ENPP6: variants seen among roughly 807,000 people sequenced by gnomAD.
ENPP6 encodes the protein glycerophosphocholine cholinephosphodiesterase ENPP6.
A neutral mutation model predicts 42.0 loss-of-function variants in ENPP6; 32 were observed. The observed-to-expected ratio is 0.76, with a 90% confidence interval of 0.58 to 1.02. ENPP6 has a LOEUF of 1.02. ENPP6 is among the 50% of genes least tolerant of loss of function. ENPP6 has a pLI of 0.00. For synonymous variants in ENPP6, 213 were observed against 216.0 expected (o/e 0.99, Z 0.12); for missense variants, 552 against 566.8 (o/e 0.97, Z 0.27).
intron 1 of ENPP6, among the ~76,000 whole-genome samples, chr4:184,191,366 A>G (rs1579657722): frequency 1.3e-5 from 2 of 152,386 alleles, no homozygotes; most frequent in East Asian, 3.9e-4. Context: ...CACTGAGCAT[A>G]GCACAAAATA....
chr4:184,198,086 CA>C (rs1732831793), intron 1 of ENPP6, among the ~76,000 whole-genome samples: 1 of 152,200 alleles, frequency 6.6e-6, no homozygotes, highest in African/African-American at 2.4e-5. Context: ...CCAGTGAGAT[CA>C]AAACAGGCAT....
chr4:184,110,598 C>T (rs1736181618), intron 6 of ENPP6, among the ~76,000 whole-genome samples: 1 of 152,148 alleles, frequency 6.6e-6, no homozygotes, highest in South Asian at 2.1e-4. Context: ...ACAAACAGAA[C>T]CCACGCCCTT....
At chr4:184,128,595 CAA>C (rs35054008) in intron 2 of ENPP6, among the ~76,000 whole-genome samples, 17 of 146,264 alleles carry the variant, frequency 1.2e-4, no homozygotes, top group African/African-American at 4.0e-4. Context: ...AAAGAATGGG[CAA>C]AAAAAAAAAC....
At position 184,103,963 on chromosome 4, in the gene ENPP6, C is replaced by G. The variant is rs58108718; in HGVS notation, c.994-6595G>C. Reference sequence around the variant, plus strand: ...CGACGCAGACATTCTCGGAGTGGAGCAAAGCGCTGGAGAAAAGCACTTAGT... The same window carrying G: ...CGACGCAGACATTCTCGGAGTGGAGGAAAGCGCTGGAGAAAAGCACTTAGT... On this transcript the variant is annotated intron_variant, in intron 6 of 7. Transcript: ENST00000296741. Among the ~76,000 whole-genome samples the G allele has an allele frequency of 4.2e-3, 640 of 152,214 alleles. 5 individuals are homozygous for G. Among genetic ancestry groups the G allele is most frequent in the African/African-American group, 0.014 (594 of 41,536 alleles).
rs566367211 is a variant in ENPP6, at chr4:184,117,113, T to A, written c.676-78A>T. 6 of 1,538,718 alleles carry A rather than the reference T, an allele frequency of 3.9e-6. No individual in the cohort carries two copies. The South Asian group carries it at 5.9e-5, about 15-fold the overall frequency. ...CTCAGAAAACCTTGTCAACTACAAATGATAGGAGAAAGGCTATCTCCTCAG... is the reference window on the plus strand; with the variant it reads ...CTCAGAAAACCTTGTCAACTACAAAAGATAGGAGAAAGGCTATCTCCTCAG... On this transcript the variant is annotated intron_variant, in intron 4 of 7. Transcript: ENST00000296741.
chr4:184,174,135 CTTT>C (rs36058407), intron 1 of ENPP6, among the ~76,000 whole-genome samples: 22 of 130,984 alleles, frequency 1.7e-4, no homozygotes, highest in Middle Eastern at 7.6e-3. Context: ...GTCCCAAATC[CTTT>C]TTTTTTTTTT....
rs569100963 is a variant in ENPP6, at chr4:184,162,914, A to AGCAGC, written c.242-9186_242-9182dup. Among the ~76,000 whole-genome samples the AGCAGC allele has an allele frequency of 3.2e-4, 48 of 152,244 alleles. 1 individual carries two copies. The South Asian group carries it at 9.8e-3, about 31-fold the overall frequency. Reference sequence around the variant, plus strand: ...GAAGAAGCAACCCAGGAGGAATGGCAGCAGCGTGCCATTACCACCCACCCA... The same window carrying AGCAGC: ...GAAGAAGCAACCCAGGAGGAATGGCAGCAGCGCAGCGTGCCATTACCACCCACCCA... On this transcript the variant is annotated intron_variant, in intron 1 of 7. Coordinates refer to ENST00000296741, the MANE Select transcript of ENPP6 (RefSeq NM_153343.4).
In ENPP6 at chr4:184,197,937, G is replaced by T. The variant is rs530930416; in HGVS notation, c.241+19642C>A. 6.2e-4 allele frequency among the ~76,000 whole-genome samples: 94 copies of T among 152,216 alleles called. No individual in the cohort carries two copies. In the South Asian group the frequency reaches 0.018, roughly 30 times the overall value. On this transcript the variant is annotated intron_variant, in intron 1 of 7. Transcript: ENST00000296741. Reference sequence around the variant, plus strand: ...CCAGTGAACACCAGGGATAGCTCTGGGTGCTGGGAAGTCCAGGACAACAGG... The same window carrying T: ...CCAGTGAACACCAGGGATAGCTCTGTGTGCTGGGAAGTCCAGGACAACAGG...
At chr4:184,193,312 A>G (rs1165487275) in intron 1 of ENPP6, among the ~76,000 whole-genome samples, 1 of 152,244 alleles carries the variant, frequency 6.6e-6, no homozygotes, top group Admixed American at 6.5e-5. Context: ...TAAAAGGAGA[A>G]ACATACTAAT....
At chr4:184,104,599 G>A (rs1736056007) in intron 6 of ENPP6, among the ~76,000 whole-genome samples, 1 of 152,206 alleles carries the variant, frequency 6.6e-6, no homozygotes, top group Non-Finnish European at 1.5e-5. Context: ...AGAAGAATTT[G>A]TACTTTCAAC....
chr4:184,183,940 G>T (rs1271211436), intron 1 of ENPP6, among the ~76,000 whole-genome samples: 1 of 152,236 alleles, frequency 6.6e-6, no homozygotes, highest in Non-Finnish European at 1.5e-5. Context: ...TGCTTCCCCT[G>T]CTATTTGCCA....
intron 6 of ENPP6, among the ~76,000 whole-genome samples, chr4:184,100,631 A>C (rs4493588): frequency 0.44 from 67,200 of 151,700 alleles, 15,041 homozygotes; most frequent in East Asian, 0.6. Flanking sequence ...CCCAGGGTGA[A>C]AGGAAGCACC....
intron 2 of ENPP6, among the ~76,000 whole-genome samples, chr4:184,140,163 C>G (rs538369804): frequency 6.6e-6 from 1 of 151,894 alleles, no homozygotes; most frequent in Non-Finnish European, 1.5e-5. Context: ...CTTCAAATAC[C>G]TAGGAATCCA....
intron 1 of ENPP6, among the ~76,000 whole-genome samples, chr4:184,206,231 GC>G (rs1732993959): frequency 6.9e-6 from 1 of 145,554 alleles, no homozygotes; most frequent in South Asian, 2.3e-4. Flanking sequence ...TCTGTGAACA[GC>G]CCCTCAAAGG....
Position 184,119,148 on chromosome 4 carries a change from C to T in ENPP6, c.534-1248G>A, listed in dbSNP as rs182390317. ...GAACTACTGATTGGAGTTCAGACTCCGGAAACGTAGCTGTTAGCTTGTAGG... is the reference window on the plus strand; with the variant it reads ...GAACTACTGATTGGAGTTCAGACTCTGGAAACGTAGCTGTTAGCTTGTAGG... On this transcript the variant is annotated intron_variant, in intron 3 of 7. Transcript: ENST00000296741. Among the ~76,000 whole-genome samples the T allele has an allele frequency of 8.5e-5, 13 of 152,194 alleles. No homozygotes were observed. In the East Asian group the frequency reaches 2.5e-3, roughly 29 times the overall value.
At chr4:184,204,519 G>A (rs149567885) in intron 1 of ENPP6, among the ~76,000 whole-genome samples, 52 of 152,236 alleles carry the variant, frequency 3.4e-4, no homozygotes, top group African/African-American at 1.0e-3. Flanking sequence ...GGTTCCATGC[G>A]TGGCTGTTGG....
chr4:184,175,954 CTT>C (rs35302221), intron 1 of ENPP6, among the ~76,000 whole-genome samples: 1 of 149,828 alleles, frequency 6.7e-6, no homozygotes, highest in Non-Finnish European at 1.5e-5. Context: ...CAAAATAATC[CTT>C]TTTTTTTTCT....
chr4:184,166,113 A>T (rs548474049), intron 1 of ENPP6, among the ~76,000 whole-genome samples: 1 of 152,356 alleles, frequency 6.6e-6, no homozygotes, highest in South Asian at 2.1e-4. Context: ...TAATGTGTTC[A>T]AAGACACACT....
At chr4:184,157,774 A>ATTTTTTTTTTTTTT (rs34358499) in intron 1 of ENPP6, among the ~76,000 whole-genome samples, 34 of 122,346 alleles carry the variant, frequency 2.8e-4, no homozygotes, top group Non-Finnish European at 3.4e-4. Context: ...AACTTGGCTA[A>ATTTTTTTTTTTTTT]TTTTTTTTTT....
Sources: gnomAD v4.1 joint callset for allele counts (sites outside exome capture counted in the v4.1 genomes callset) on GRCh38, gnomAD v4.1.1 for gene constraint, MANE v1.5 for transcripts, NCBI Gene and HGNC (gene_info 2026-07-23, HGNC 2026-07-21) for gene names.